The following RFTN1 variants were observed in gnomAD, a reference collection of about 807,000 sequenced individuals.
RFTN1 encodes the protein raftlin.
In RFTN1, 26 loss-of-function variants were observed where a neutral mutation model predicts 46.5. The ratio of observed to expected loss-of-function variants is 0.56; its 90% confidence interval spans 0.41 to 0.78. RFTN1 has a LOEUF of 0.78. Among genes scored for constraint, RFTN1 ranks in the 30% least tolerant of loss-of-function variants. The probability of loss-of-function intolerance (pLI) is 0.00; values close to 1 mark genes in which losing one functional copy is unlikely to be tolerated. For synonymous variants in RFTN1, 261 were observed against 284.2 expected, an observed-to-expected ratio of 0.92 and a Z score of 0.82; for missense variants, 693 against 718.7, an observed-to-expected ratio of 0.96 and a Z score of 0.41.
Position 16,512,644 on chromosome 3 carries a change from G to A in RFTN1, c.-9+798C>T, listed in dbSNP as rs1333354484. Reference sequence around the variant, plus strand: ...CCGGAGGTGAAGGGCACCAGCCCTGGCCTAGGACTGGGGTGCGCGTGCCTG... The same window carrying A: ...CCGGAGGTGAAGGGCACCAGCCCTGACCTAGGACTGGGGTGCGCGTGCCTG... On this transcript the variant is annotated intron_variant, in intron 1 of 9. Transcript: ENST00000334133. The surrounding 1 kb of genome is among the most constrained non-coding windows in gnomAD (Gnocchi z 4.3). 1 of 152,378 alleles carries A rather than the reference G, an allele frequency of 6.6e-6. No homozygotes were observed. The highest frequency in any genetic ancestry group is 1.5e-5 in the Non-Finnish European group (1 of 68,206). 9.4% of individuals were successfully genotyped at this position (152,378 alleles called of 1,614,324 possible).
rs2073833375 is a variant in RFTN1 at position 16,377,754 on chromosome 3, T to G, written c.790A>C (p.Asn264His). The change falls in exon 5 of 10, where the codon AAC becomes CAC. Residue 264 changes from asparagine to histidine, a missense_variant. Physicochemically the swap from Asn to His is moderately conservative, Grantham distance 68 (BLOSUM62 1). Coordinates refer to ENST00000334133, the MANE Select transcript of RFTN1 (RefSeq NM_015150.2). ...GGCTCTTCATGCACCTCCAAGGGGT[T>G]GCTCTCCGGTCCATCCAGTGTCTTG... Reference protein sequence around the residue: ...VSKTLDGPESNPLEVHEEPLS... With the variant: ...VSKTLDGPESHPLEVHEEPLS... 1 of 1,609,012 alleles carries G rather than the reference T, an allele frequency of 6.2e-7. No individual in the cohort carries two copies. The highest frequency in any genetic ancestry group is 1.3e-5 in the African/African-American group (1 of 74,852).
rs1053607978 is a variant in RFTN1 at position 16,441,300 on chromosome 3, A to T, written c.146-7263T>A. On this transcript the variant is annotated intron_variant, in intron 2 of 9. Coordinates refer to ENST00000334133, the MANE Select transcript of RFTN1 (RefSeq NM_015150.2). ...TAAATAAACCATTATTCCAAGAACT[A>T]AAAAAAAAAAAAAAAAAAAAGGAAA... Among the ~76,000 whole-genome samples the T allele has an allele frequency of 3.3e-5, 3 of 92,254 alleles. No homozygotes were observed. The East Asian group carries it at 1.2e-3, about 35-fold the overall frequency. The allele number at this position is 92,254 out of a possible 152,430, so 60.5% of individuals were successfully genotyped here.
Position 16,458,869 on chromosome 3 carries a change from A to T in RFTN1, c.146-24832T>A, listed in dbSNP as rs966740469. 2.0e-5 allele frequency among the ~76,000 whole-genome samples: 3 copies of T among 152,204 alleles called. No individual in the cohort carries two copies. The highest frequency in any genetic ancestry group is 7.2e-5 in the African/African-American group (3 of 41,454). On this transcript the variant is annotated intron_variant, in intron 2 of 9. Transcript: ENST00000334133. The surrounding 1 kb of genome is among the most constrained non-coding windows in gnomAD (Gnocchi z 5.1). Reference sequence around the variant, plus strand: ...TAGAAGTACAAAAATCAGGGGAGTCATCTGAAAACATGGTGCTTAGCTTCA... The same window carrying T: ...TAGAAGTACAAAAATCAGGGGAGTCTTCTGAAAACATGGTGCTTAGCTTCA...
At position 16,326,891 on chromosome 3, in the gene RFTN1, C is replaced by G; in HGVS notation, c.1147-15G>C. 6.2e-7 allele frequency: 1 copy of G among 1,603,920 alleles called. No individual in the cohort carries two copies. The highest frequency in any genetic ancestry group is 8.5e-7 in the Non-Finnish European group (1 of 1,172,792). ...ACTTCGACACCCTGGGGGAACAAGG[C>G]CAGCATTAGGGCTGCTGCTGCCACA... On this transcript the variant is annotated splice_polypyrimidine_tract_variant and intron_variant, in intron 7 of 9. Coordinates refer to ENST00000334133, the MANE Select transcript of RFTN1 (RefSeq NM_015150.2).
At chr3:16,434,379 AAC>A (rs1317108108) in intron 2 of RFTN1, among the ~76,000 whole-genome samples, 1 of 143,652 alleles carries the variant, frequency 7.0e-6, no homozygotes, top group Non-Finnish European at 1.5e-5. Flanking sequence ...CAAACAAACA[AAC>A]AAACAAACAA....
At position 16,506,781 on chromosome 3, in the gene RFTN1, G is replaced by T. The variant is rs1215038572; in HGVS notation, c.-9+6661C>A. ...TCTCCCTACATGACAGTAAATTTCTGGAAGGCAGCAAGCGGGTCTTCTTCA... is the reference window on the plus strand; with the variant it reads ...TCTCCCTACATGACAGTAAATTTCTTGAAGGCAGCAAGCGGGTCTTCTTCA... On this transcript the variant is annotated intron_variant, in intron 1 of 9. Transcript: ENST00000334133. This position sits in a 1 kb window ranked among gnomAD's most constrained non-coding sequence, Gnocchi z 4.8. Among the ~76,000 whole-genome samples the T allele has an allele frequency of 6.6e-6, 1 of 152,074 alleles. No homozygotes were observed. The highest frequency in any genetic ancestry group is 1.5e-5 in the Non-Finnish European group (1 of 68,024).
chr3:16,363,554 C>A (rs576042208), intron 6 of RFTN1, among the ~76,000 whole-genome samples: 1 of 152,258 alleles, frequency 6.6e-6, no homozygotes, highest in Non-Finnish European at 1.5e-5. Context: ...GAGGCAACCA[C>A]TCTTCTGCAG....
At chr3:16,340,688 T>C (rs1451338936) in intron 7 of RFTN1, among the ~76,000 whole-genome samples, 2 of 152,260 alleles carry the variant, frequency 1.3e-5, no homozygotes, top group African/African-American at 4.8e-5. Flanking sequence ...AAGGTAACTC[T>C]GCAGTTATAG....
chr3:16,382,003 G>C lies in RFTN1; in HGVS notation c.442-3901C>G, dbSNP rs1301948113. Reference sequence around the variant, plus strand: ...TACCTTCAACTTCAGCACAAATTTTGTATCTTATACCATAGTGCTACCTAG... The same window carrying C: ...TACCTTCAACTTCAGCACAAATTTTCTATCTTATACCATAGTGCTACCTAG... On this transcript the variant is annotated intron_variant, in intron 4 of 9. Transcript: ENST00000334133. The surrounding 1 kb of genome is among the most constrained non-coding windows in gnomAD (Gnocchi z 4.7). Among the ~76,000 whole-genome samples the C allele has an allele frequency of 1.3e-5, 2 of 152,094 alleles. No individual in the cohort carries two copies. Among genetic ancestry groups the C allele is most frequent in the Non-Finnish European group, 2.9e-5 (2 of 68,014 alleles).
rs540193773 is a variant in RFTN1 at position 16,428,927 on chromosome 3, A to G, written c.332+4924T>C. ...GAAAAAAATGAAGGATCACTTAACT[A>G]TACTTAGAATTCAGAGTGAGTGCAA... On this transcript the variant is annotated intron_variant, in intron 3 of 9. Coordinates refer to ENST00000334133, the MANE Select transcript of RFTN1 (RefSeq NM_015150.2). The surrounding 1 kb of genome is among the most constrained non-coding windows in gnomAD (Gnocchi z 4.7). Among the ~76,000 whole-genome samples, 139 of 152,380 alleles carry G rather than the reference A, an allele frequency of 9.1e-4. 1 individual carries two copies. The highest frequency in any genetic ancestry group is 1.9e-3 in the Non-Finnish European group (127 of 68,046).
rs186210127 is a variant in RFTN1, at chr3:16,468,318, A to G, written c.145+25407T>C. The stretch of plus-strand genomic sequence containing the variant: ...CCTCACTGTCGTTCGTTTTTGAAGT[A>G]CCTGCATTCTGTCTCGAGTTTCCGG... On this transcript the variant is annotated intron_variant, in intron 2 of 9. Coordinates refer to ENST00000334133, the MANE Select transcript of RFTN1 (RefSeq NM_015150.2). The surrounding 1 kb of genome is among the most constrained non-coding windows in gnomAD (Gnocchi z 4.4). 3.2e-4 allele frequency among the ~76,000 whole-genome samples: 48 copies of G among 152,250 alleles called. No homozygotes were observed. The highest frequency in any genetic ancestry group is 9.4e-4 in the African/African-American group (39 of 41,550).
intron 3 of RFTN1, among the ~76,000 whole-genome samples, chr3:16,420,573 C>T (rs530082123): frequency 6.6e-6 from 1 of 152,290 alleles, no homozygotes; most frequent in South Asian, 2.1e-4. Context: ...TGATTGTTTT[C>T]TTCCTTCCCA....
In RFTN1 at chr3:16,399,257, C is replaced by T. The variant is rs186764054; in HGVS notation, c.441+10118G>A. 1.2e-4 allele frequency among the ~76,000 whole-genome samples: 19 copies of T among 152,136 alleles called. 1 individual carries two copies. In the East Asian group the frequency reaches 3.5e-3, roughly 28 times the overall value. ...AGCAAACCCATGAGAAAAAAAAGAA[C>T]ATCTTAAAATTTTAAATTTTAAAAA... On this transcript the variant is annotated intron_variant, in intron 4 of 9. Transcript: ENST00000334133.
At chr3:16,323,272 GCCCTTGGAAGCTGGA>G (rs1239830399) in intron 9 of RFTN1, 89 bp downstream of exon 9, 10 of 804,676 alleles carry the variant, frequency 1.2e-5, no homozygotes, top group Non-Finnish European at 2.0e-5. Context: ...GGCTCTGCGA[GCCCTTGGAAGCTGGA>G]GCAGGCTGCC....
In RFTN1 at chr3:16,509,160, G is replaced by A. The variant is rs1185054040; in HGVS notation, c.-9+4282C>T. Reference sequence around the variant, plus strand: ...AAAATTAGTATAAGCCCCTGGCTGTGCCAAACTCAGTAAGCTTAAGACAAA... The same window carrying A: ...AAAATTAGTATAAGCCCCTGGCTGTACCAAACTCAGTAAGCTTAAGACAAA... On this transcript the variant is annotated intron_variant, in intron 1 of 9. Coordinates refer to ENST00000334133, the MANE Select transcript of RFTN1 (RefSeq NM_015150.2). The surrounding 1 kb of genome is among the most constrained non-coding windows in gnomAD (Gnocchi z 4.9). Among the ~76,000 whole-genome samples, 1 of 152,102 alleles carries A rather than the reference G, an allele frequency of 6.6e-6. No individual in the cohort carries two copies. The highest frequency in any genetic ancestry group is 1.5e-5 in the Non-Finnish European group (1 of 68,022).
Position 16,344,517 on chromosome 3 carries a change from G to A in RFTN1, c.1146+13415C>T, listed in dbSNP as rs2071514493. On this transcript the variant is annotated intron_variant, in intron 7 of 9. Coordinates refer to ENST00000334133, the MANE Select transcript of RFTN1 (RefSeq NM_015150.2). The surrounding 1 kb of genome is among the most constrained non-coding windows in gnomAD (Gnocchi z 4.4). ...TTCTTCCCCCTCGCCCAACTAGAAT[G>A]CTTTATGTGGAGCCCAAGAGCATCC... Among the ~76,000 whole-genome samples, 1 of 152,008 alleles carries A rather than the reference G, an allele frequency of 6.6e-6. No homozygotes were observed. Among genetic ancestry groups the A allele is most frequent in the Non-Finnish European group, 1.5e-5 (1 of 68,006 alleles).
rs2074073397 is a variant in RFTN1 at position 16,383,794 on chromosome 3, T to TC, written c.442-5693dup. ...GAAAAGGAAGAGAAAAGCCTCCTGC[T>TC]CACAGGTCAATAGGGATTGGAGTGT... On this transcript the variant is annotated intron_variant, in intron 4 of 9. Coordinates refer to ENST00000334133, the MANE Select transcript of RFTN1 (RefSeq NM_015150.2). The surrounding 1 kb of genome is among the most constrained non-coding windows in gnomAD (Gnocchi z 4.0). Among the ~76,000 whole-genome samples, 1 of 152,190 alleles carries TC rather than the reference T, an allele frequency of 6.6e-6. No homozygotes were observed. The highest frequency in any genetic ancestry group is 3.2e-3 in the Middle Eastern group (1 of 316).
In RFTN1 at chr3:16,352,876, A is replaced by G. The variant is rs934991701; in HGVS notation, c.1146+5056T>C. On this transcript the variant is annotated intron_variant, in intron 7 of 9. Coordinates refer to ENST00000334133, the MANE Select transcript of RFTN1 (RefSeq NM_015150.2). This position sits in a 1 kb window ranked among gnomAD's most constrained non-coding sequence, Gnocchi z 4.6. Reference sequence around the variant, plus strand: ...CTCAGCTTGGAATCAGAGAGGCAGGATGCACACTCAGGCCAGACTCTGGAA... The same window carrying G: ...CTCAGCTTGGAATCAGAGAGGCAGGGTGCACACTCAGGCCAGACTCTGGAA... Among the ~76,000 whole-genome samples the G allele has an allele frequency of 3.1e-4, 47 of 152,220 alleles. No homozygotes were observed. The highest frequency in any genetic ancestry group is 1.1e-3 in the African/African-American group (46 of 41,448).
chr3:16,491,544 G>C (rs1302344702), intron 2 of RFTN1, among the ~76,000 whole-genome samples: 2 of 152,180 alleles, frequency 1.3e-5, no homozygotes, highest in Non-Finnish European at 1.5e-5. Flanking sequence ...TTCCATCAAG[G>C]ACAGCACAAT....
Sources: gnomAD v4.1 joint callset for allele counts (sites outside exome capture counted in the v4.1 genomes callset) on GRCh38, gnomAD v4.1.1 for gene constraint, Gnocchi (gnomAD v3.1) non-coding constraint, MANE v1.5 for transcripts, NCBI Gene and HGNC (gene_info 2026-07-23, HGNC 2026-07-21) for gene names.